CSMD3: variants seen among roughly 807,000 people sequenced by gnomAD.
CSMD3 encodes the protein CUB and sushi domain-containing protein 3.
In CSMD3, 177 loss-of-function variants were observed where a neutral mutation model predicts 435.2. The observed-to-expected ratio is 0.41, with a 90% CI of 0.36 to 0.46. The LOEUF (loss-of-function observed/expected upper bound fraction) is 0.46, where lower values mean the gene tolerates loss of function less well. CSMD3 is among the 20% of genes least tolerant of loss of function. The probability of loss-of-function intolerance (pLI) is 0.34; values close to 1 mark genes in which losing one functional copy is unlikely to be tolerated. For synonymous variants in CSMD3, 1,656 were observed against 1,520.5 expected (o/e 1.09, Z -2.07); for missense variants, 4,265 against 4,504.6 (o/e 0.95, Z 1.52).
chr8:112,552,823 T>G, intron 25 of CSMD3, 103 bp from the exon 26 acceptor site: 2 of 1,053,580 alleles, frequency 1.9e-6, no homozygotes, highest in African/African-American at 1.6e-5. Context: ...GATTTTCTTG[T>G]TTCTTTAAAG....
intron 5 of CSMD3, among the ~76,000 whole-genome samples, chr8:113,058,586 C>T (rs1218551990): frequency 5.9e-5 from 9 of 151,756 alleles, no homozygotes; most frequent in Non-Finnish European, 7.4e-5. Flanking sequence ...ATATTAGAAA[C>T]ATTCATAATA....
chr8:112,409,833 G>A (rs9297474), intron 32 of CSMD3, among the ~76,000 whole-genome samples: 68,735 of 151,382 alleles, frequency 0.45, 16,091 homozygotes, highest in Middle Eastern at 0.6. Context: ...ACAGAAATCA[G>A]TTTGCTTTGT....
intron 7 of CSMD3, among the ~76,000 whole-genome samples, chr8:112,965,475 G>GA (rs935702726): frequency 2.6e-5 from 4 of 151,668 alleles, no homozygotes; most frequent in Admixed American, 1.3e-4. Flanking sequence ...CTGAAAATCT[G>GA]AAAAAAATAT....
In CSMD3 at chr8:112,682,484, C is replaced by G; in HGVS notation, c.2635G>C (p.Asp879His). ...GTETITCILM[D>H]GKVMWSGLIP... ...AGTCCACTCCACATTACTTTTCCAT[C>G]CATAAGAATACATGTAATTGTTTCT... Residue 879 changes from aspartate to histidine, a missense_variant, in exon 16 of 71, where the codon GAT becomes CAT. Around this residue, in one of 3 missense-constraint regions of CSMD3, gnomAD observed 279 missense variants for 369.0 expected, o/e 0.76. Coordinates refer to ENST00000297405, the MANE Select transcript of CSMD3 (RefSeq NM_198123.2). 2 of 1,613,052 alleles carry G rather than the reference C, an allele frequency of 1.2e-6. No individual in the cohort carries two copies. Among genetic ancestry groups the G allele is most frequent in the Non-Finnish European group, 1.7e-6 (2 of 1,179,830 alleles).
intron 10 of CSMD3, among the ~76,000 whole-genome samples, chr8:112,863,782 T>C (rs1468205065): frequency 1.3e-5 from 2 of 152,014 alleles, no homozygotes; most frequent in Middle Eastern, 3.2e-3. Context: ...TACAGTAAAG[T>C]AGTACATTTG....
chr8:112,429,289 C>A (rs1813410468), intron 32 of CSMD3, among the ~76,000 whole-genome samples: 1 of 151,956 alleles, frequency 6.6e-6, no homozygotes, highest in South Asian at 2.1e-4. Flanking sequence ...ACAGATCATA[C>A]AATATTGGTT....
chr8:113,233,383 T>C (rs2093111283), intron 3 of CSMD3, among the ~76,000 whole-genome samples: 1 of 151,146 alleles, frequency 6.6e-6, no homozygotes, highest in Admixed American at 6.6e-5. Flanking sequence ...ATTTTAAAAA[T>C]ACATAAAATG....
At chr8:113,401,044 A>G (rs1241735904) in intron 1 of CSMD3, among the ~76,000 whole-genome samples, 1 of 151,796 alleles carries the variant, frequency 6.6e-6, no homozygotes, top group Non-Finnish European at 1.5e-5. Context: ...ATATAATGTT[A>G]CCCTAACCAT....
intron 13 of CSMD3, among the ~76,000 whole-genome samples, chr8:112,756,733 G>A (rs999070602): frequency 2.5e-4 from 38 of 150,730 alleles, no homozygotes; most frequent in African/African-American, 8.5e-4. Context: ...CCTTGAAATC[G>A]TTTTTTCTCC....
At chr8:112,662,652 C>G (rs2075415029) in intron 17 of CSMD3, among the ~76,000 whole-genome samples, 1 of 152,116 alleles carries the variant, frequency 6.6e-6, no homozygotes, top group South Asian at 2.1e-4. Context: ...GCAATGGCAA[C>G]AAAAGCCAAA....
chr8:112,403,968 G>T (rs1487346580), intron 35 of CSMD3, among the ~76,000 whole-genome samples: 3 of 151,956 alleles, frequency 2.0e-5, no homozygotes, highest in African/African-American at 7.3e-5. Flanking sequence ...AATAATACAA[G>T]AATAGTTCAG....
intron 1 of CSMD3, among the ~76,000 whole-genome samples, chr8:113,380,109 GGTT>G (rs1442584411): frequency 2.6e-5 from 4 of 152,050 alleles, no homozygotes; most frequent in Non-Finnish European, 5.9e-5. Flanking sequence ...CTCTTTGAAA[GGTT>G]CTTTTTTTTA....
At chr8:112,266,223 G>A (rs1395497431) in intron 59 of CSMD3, among the ~76,000 whole-genome samples, 1 of 152,230 alleles carries the variant, frequency 6.6e-6, no homozygotes, top group East Asian at 1.9e-4. Flanking sequence ...CGATCCTCAC[G>A]TTTGCATCCA....
At chr8:112,847,411 G>A (rs1226023251) in intron 11 of CSMD3, among the ~76,000 whole-genome samples, 2 of 152,084 alleles carry the variant, frequency 1.3e-5, no homozygotes, top group Admixed American at 1.3e-4. Flanking sequence ...TCTTTGCCTT[G>A]AGTTGGGATA....
chr8:113,147,153 A>G (rs573211812), intron 4 of CSMD3, among the ~76,000 whole-genome samples: 77 of 151,718 alleles, frequency 5.1e-4, no homozygotes, highest in South Asian at 6.2e-4. Context: ...TGCATATGCT[A>G]GCATTTTTCC....
chr8:113,175,080 G>A (rs1348193040), intron 3 of CSMD3, among the ~76,000 whole-genome samples: 7 of 151,710 alleles, frequency 4.6e-5, no homozygotes, highest in Non-Finnish European at 1.0e-4. Context: ...ATATTACAAT[G>A]TTAATTCAAA....
intron 2 of CSMD3, among the ~76,000 whole-genome samples, chr8:113,294,724 G>A (rs1048217479): frequency 3.3e-5 from 5 of 152,026 alleles, no homozygotes; most frequent in Non-Finnish European, 4.4e-5. Context: ...AGCCCATATT[G>A]ACTATCATTT....
chr8:112,227,119 C>T (rs530318449), intron 70 of CSMD3, among the ~76,000 whole-genome samples: 1 of 152,206 alleles, frequency 6.6e-6, no homozygotes, highest in East Asian at 1.9e-4. Flanking sequence ...AAAACTTATA[C>T]ACAAATGTGT....
chr8:112,526,162 G>A (rs1824936278), intron 27 of CSMD3, among the ~76,000 whole-genome samples: 1 of 151,418 alleles, frequency 6.6e-6, no homozygotes, highest in Non-Finnish European at 1.5e-5. Context: ...TTTTAGCACT[G>A]TACTAACTGA....
Sources: allele counts gnomAD v4.1 joint callset (sites outside exome capture counted in the v4.1 genomes callset), GRCh38; gene constraint gnomAD v4.1.1; regional missense constraint gnomAD v4.1.1; transcripts MANE v1.5; gene names NCBI Gene and HGNC (gene_info 2026-07-23, HGNC 2026-07-21).